NFAT5: variants seen among roughly 807,000 people sequenced by gnomAD.
NFAT5 encodes the protein nuclear factor of activated T-cells 5.
In NFAT5, 31 loss-of-function variants were observed where a neutral mutation model predicts 166.5. The observed-to-expected ratio is 0.19, with a 90% CI of 0.14 to 0.25. The LOEUF is 0.25. NFAT5 is among the 10% of genes least tolerant of loss of function. NFAT5 has a pLI of 1.00. For missense variants in NFAT5, 1,449 were observed against 1,821.8 expected, an observed-to-expected ratio of 0.80 and a Z score of 3.72; for synonymous variants, 612 against 639.7, an observed-to-expected ratio of 0.96 and a Z score of 0.65.
rs1597444993 is a variant in NFAT5 at position 69,635,876 on chromosome 16, T to C, written c.253+9348T>C. 3.3e-5 allele frequency among the ~76,000 whole-genome samples: 5 copies of C among 152,096 alleles called. No individual in the cohort carries two copies. The East Asian group carries it at 9.6e-4, about 29-fold the overall frequency. The stretch of plus-strand genomic sequence containing the variant: ...GCCCCTGGCCCCTCCAAATCTCATG[T>C]CCTCACATTTCAAACCCAGTCATGC... On this transcript the variant is annotated intron_variant, in intron 3 of 14. Coordinates refer to ENST00000349945, the MANE Select transcript of NFAT5 (RefSeq NM_138713.4).
At chr16:69,624,903 T>TA (rs376117061) in intron 2 of NFAT5, among the ~76,000 whole-genome samples, 9,327 of 140,058 alleles carry the variant, frequency 0.067, 316 homozygotes, top group Middle Eastern at 0.12. Flanking sequence ...TTCTTTTTTT[T>TA]AAAAAAAAAA....
chr16:69,600,187 AGAG>A (rs1163798751), intron 2 of NFAT5, among the ~76,000 whole-genome samples: 1 of 152,066 alleles, frequency 6.6e-6, no homozygotes, highest in Admixed American at 6.6e-5. Flanking sequence ...GGACATGAAG[AGAG>A]GAGTAGACTA....
intron 2 of NFAT5, among the ~76,000 whole-genome samples, chr16:69,611,669 C>CCAAGGCA (rs2033709682): frequency 6.6e-6 from 1 of 152,202 alleles, no homozygotes; most frequent in African/African-American, 2.4e-5. Flanking sequence ...GGTGAAAGGG[C>CCAAGGCA]CAAGGCAGTG....
chr16:69,648,701 A>C (rs1415021813), intron 4 of NFAT5: 2 of 969,602 alleles, frequency 2.1e-6, no homozygotes, highest in African/African-American at 3.5e-5. Flanking sequence ...TGTATAGTAC[A>C]TTCAAAATAA....
At chr16:69,666,686 G>A (rs1202926167) in intron 7 of NFAT5, among the ~76,000 whole-genome samples, 1 of 151,922 alleles carries the variant, frequency 6.6e-6, no homozygotes, top group Non-Finnish European at 1.5e-5. Context: ...GTGCTGGAGA[G>A]GATGTGGAGA....
At position 69,595,354 on chromosome 16, in the gene NFAT5, T is replaced by A. The variant is rs184583028; in HGVS notation, c.127+26806T>A. ...TAGGCATTGTGACACAGCATTAGGC[T>A]ACTGTTGACCTTCTGTATTCCCGAA... On this transcript the variant is annotated intron_variant, in intron 2 of 14. Coordinates refer to ENST00000349945, the MANE Select transcript of NFAT5 (RefSeq NM_138713.4). Among the ~76,000 whole-genome samples the A allele has an allele frequency of 1.4e-3, 217 of 152,356 alleles. 1 individual carries two copies. The Middle Eastern group carries it at 0.017, about 12-fold the overall frequency.
At chr16:69,677,052 T>TG in intron 9 of NFAT5, 151 bp from the exon 10 acceptor site, 1 of 682,932 alleles carries the variant, frequency 1.5e-6, no homozygotes, top group Non-Finnish European at 2.3e-6. Context: ...AAGATTAATA[T>TG]CCTGATGCCT....
At position 69,704,164 on chromosome 16, in the gene NFAT5, T is replaced by C. The variant is rs1302108344; in HGVS notation, c.*7813T>C. 1 of 152,656 alleles carries C rather than the reference T, an allele frequency of 6.6e-6. No homozygotes were observed. Among genetic ancestry groups the C allele is most frequent in the African/African-American group, 2.4e-5 (1 of 41,462 alleles). The allele number at this position is 152,656 out of a possible 1,614,324, so 9.5% of individuals were successfully genotyped here. ...TCCAGTGAACTTGATCTAATTTCTT[T>C]TGATCTAATGAATGTGTCTGCTTAC... On this transcript the variant is annotated 3_prime_UTR_variant, in exon 15 of 15. Transcript: ENST00000349945.
chr16:69,703,245 T>C lies in NFAT5; in HGVS notation c.*6894T>C, dbSNP rs1038485287. 6.6e-6 allele frequency: 1 copy of C among 152,634 alleles called. No homozygotes were observed. Among genetic ancestry groups the C allele is most frequent in the African/African-American group, 2.4e-5 (1 of 41,448 alleles). 9.5% of individuals were successfully genotyped at this position (152,634 alleles called of 1,614,324 possible). On this transcript the variant is annotated 3_prime_UTR_variant, in exon 15 of 15. Coordinates refer to ENST00000349945, the MANE Select transcript of NFAT5 (RefSeq NM_138713.4). ...TGGCTGGCCAGGTCAACATGGCACCTTAACTTATTTTTTTAATAGGTAAAA... is the reference window on the plus strand; with the variant it reads ...TGGCTGGCCAGGTCAACATGGCACCCTAACTTATTTTTTTAATAGGTAAAA...
At chr16:69,688,150 T>G (rs1221128840) in intron 11 of NFAT5, among the ~76,000 whole-genome samples, 1 of 140,270 alleles carries the variant, frequency 7.1e-6, no homozygotes, top group Non-Finnish European at 1.5e-5. Context: ...GAGCCGAGAT[T>G]GCGCCACTGC....
At chr16:69,567,602 A>C (rs975569563) in intron 1 of NFAT5, among the ~76,000 whole-genome samples, 1 of 152,158 alleles carries the variant, frequency 6.6e-6, no homozygotes, top group Non-Finnish European at 1.5e-5. Context: ...TCAGAGTGAG[A>C]TGGTTTACTC....
chr16:69,598,832 C>T (rs2032959310), intron 2 of NFAT5, among the ~76,000 whole-genome samples: 1 of 151,830 alleles, frequency 6.6e-6, no homozygotes. Flanking sequence ...CGAGATCAGC[C>T]TGGCCAACAT....
At chr16:69,625,381 G>C (rs992346023) in intron 2 of NFAT5, among the ~76,000 whole-genome samples, 5 of 151,774 alleles carry the variant, frequency 3.3e-5, no homozygotes, top group Admixed American at 1.3e-4. Flanking sequence ...AAAGATACAG[G>C]GTTCTTTAAT....
Position 69,566,267 on chromosome 16 carries a change from C to T in NFAT5, c.-35C>T. The T allele has an allele frequency of 6.3e-7, 1 of 1,583,122 alleles. No individual in the cohort carries two copies. Among genetic ancestry groups the T allele is most frequent in the Non-Finnish European group, 8.6e-7 (1 of 1,166,474 alleles). Reference sequence around the variant, plus strand: ...CCGCCGCCACCGCCGCTCCCCCCCTCCCGCTGCCCTCGGGCCGGGCTGGGT... The same window carrying T: ...CCGCCGCCACCGCCGCTCCCCCCCTTCCGCTGCCCTCGGGCCGGGCTGGGT... On this transcript the variant is annotated 5_prime_UTR_variant, in exon 1 of 15. Coordinates refer to ENST00000349945, the MANE Select transcript of NFAT5 (RefSeq NM_138713.4). This position sits in a 1 kb window ranked among gnomAD's most constrained non-coding sequence, Gnocchi z 5.7.
chr16:69,615,832 A>C (rs942948771), intron 2 of NFAT5, among the ~76,000 whole-genome samples: 1 of 152,028 alleles, frequency 6.6e-6, no homozygotes, highest in Admixed American at 6.6e-5. Flanking sequence ...GCTTTCTGAC[A>C]CATTAATACC....
At chr16:69,606,666 C>T (rs1284768400) in intron 2 of NFAT5, among the ~76,000 whole-genome samples, 1 of 151,948 alleles carries the variant, frequency 6.6e-6, no homozygotes, top group Non-Finnish European at 1.5e-5. Context: ...ACCAGCCTGG[C>T]CAACATAATG....
chr16:69,664,388 C>G (rs2036273889), intron 7 of NFAT5, among the ~76,000 whole-genome samples: 1 of 152,104 alleles, frequency 6.6e-6, no homozygotes, highest in African/African-American at 2.4e-5. Flanking sequence ...GGGTTCACAC[C>G]ATTCTCCTGC....
At chr16:69,617,387 T>C (rs2034002936) in intron 2 of NFAT5, among the ~76,000 whole-genome samples, 1 of 152,200 alleles carries the variant, frequency 6.6e-6, no homozygotes, top group African/African-American at 2.4e-5. Context: ...AAGAAATTTC[T>C]TCAGAAAATA....
intron 11 of NFAT5, 197 bp from the exon 12 acceptor site, chr16:69,690,743 C>G (rs1265547024): frequency 2.7e-6 from 1 of 364,706 alleles, no homozygotes; most frequent in East Asian, 4.6e-5. Context: ...AGTTCCAGGC[C>G]CATTCCAGAG....
Sources: gnomAD v4.1 joint callset for allele counts (sites outside exome capture counted in the v4.1 genomes callset) on GRCh38, gnomAD v4.1.1 for gene constraint, Gnocchi (gnomAD v3.1) non-coding constraint, MANE v1.5 for transcripts, NCBI Gene and HGNC (gene_info 2026-07-23, HGNC 2026-07-21) for gene names.